SLFN12L: variants seen among roughly 807,000 people sequenced by gnomAD.
The protein encoded by SLFN12L is schlafen family member 12 like.
SLFN12L carries 34 observed loss-of-function variants against 34.8 expected under a neutral mutation model. That is an observed-to-expected ratio of 0.98 (90% confidence interval 0.74 to 1.30). The LOEUF is 1.30. SLFN12L is among the 50% of genes most tolerant of loss of function. The probability of loss-of-function intolerance (pLI) is 0.00; values close to 1 mark genes in which losing one functional copy is unlikely to be tolerated. For synonymous variants in SLFN12L, 259 were observed against 247.5 expected, an observed-to-expected ratio of 1.05 and a Z score of -0.44; for missense variants, 703 against 696.2, an observed-to-expected ratio of 1.01 and a Z score of -0.11.
In SLFN12L at chr17:35,497,156, C is replaced by G. The variant is rs577360184; in HGVS notation, c.87-16961G>C. 2.6e-5 allele frequency among the ~76,000 whole-genome samples: 4 copies of G among 152,278 alleles called. No homozygotes were observed. In the East Asian group the frequency reaches 7.7e-4, roughly 29 times the overall value. On this transcript the variant is annotated intron_variant, in intron 2 of 4. Coordinates refer to ENST00000628453, the MANE Select transcript of SLFN12L (RefSeq NM_001363830.2). ...CTGTAATCTCAGCACTTTGGGAGGC[C>G]GAAGCGGGCGGATCACCTTAGGTCA...
chr17:35,506,420 G>A (rs1476447125), intron 2 of SLFN12L, among the ~76,000 whole-genome samples: 2 of 152,210 alleles, frequency 1.3e-5, no homozygotes, highest in Admixed American at 6.5e-5. Context: ...GAAAGGGAAA[G>A]TGGCCCTTCC....
chr17:35,477,143 G>A (rs922645842), intron 4 of SLFN12L, among the ~76,000 whole-genome samples: 1 of 152,178 alleles, frequency 6.6e-6, no homozygotes, highest in African/African-American at 2.4e-5. Context: ...TCAAGGGTCA[G>A]TTGTATGCAG....
chr17:35,490,803 C>T, intron 2 of SLFN12L: 2 of 1,392,992 alleles, frequency 1.4e-6, no homozygotes, highest in African/African-American at 1.4e-5. Flanking sequence ...GACTTGAGTG[C>T]CTGACTCAAT....
chr17:35,528,046 C>T (rs977965485), intron 1 of SLFN12L, among the ~76,000 whole-genome samples: 3 of 152,132 alleles, frequency 2.0e-5, no homozygotes, highest in African/African-American at 7.2e-5. Flanking sequence ...CACAAGCATT[C>T]CTATGCACCG....
intron 1 of SLFN12L, among the ~76,000 whole-genome samples, chr17:35,526,283 A>T (rs1295281835): frequency 6.6e-6 from 1 of 152,224 alleles, no homozygotes; most frequent in African/African-American, 2.4e-5. Flanking sequence ...TCTACAGTCA[A>T]TATTAGACAG....
chr17:35,490,813 T>G, intron 2 of SLFN12L: 3 of 1,309,410 alleles, frequency 2.3e-6, no homozygotes, highest in Non-Finnish European at 3.3e-6. Flanking sequence ...CCTGACTCAA[T>G]AAGAGAGCCT....
rs1030256586 is a variant in SLFN12L, at chr17:35,470,722, G to T, written c.*4201C>A. ...ATACTTTAAGCTCTGGGATACACGT[G>T]CAGAATGTGCAGGTTTGTTACATAG... On this transcript the variant is annotated 3_prime_UTR_variant, in exon 5 of 5. Transcript: ENST00000628453. 5 of 150,714 alleles carry T rather than the reference G, an allele frequency of 3.3e-5. No homozygotes were observed. Among genetic ancestry groups the T allele is most frequent in the African/African-American group, 1.2e-4 (5 of 40,844 alleles). 9.3% of individuals were successfully genotyped at this position (150,714 alleles called of 1,614,324 possible).
chr17:35,475,429 G>A lies in SLFN12L; in HGVS notation c.1333C>T (p.Gln445Ter). ...ATTAATTGCTTAAGTCCTTCATGTT[G>A]TGAGAACAGATTTCTGCAGAAGGTT... ...PKTFCRNLFS[Q>*]HEGLKQLICE... The change falls in exon 5 of 5, where the codon CAA becomes TAA. Residue 445 changes from glutamine to a stop codon, truncating the protein, a stop_gained. Coordinates refer to ENST00000628453, the MANE Select transcript of SLFN12L (RefSeq NM_001363830.2). LOFTEE classifies it low-confidence loss of function (END_TRUNC). The A allele has an allele frequency of 6.2e-7, 1 of 1,613,862 alleles. No individual in the cohort carries two copies. Among genetic ancestry groups the A allele is most frequent in the Non-Finnish European group, 8.5e-7 (1 of 1,179,942 alleles).
At chr17:35,508,409 C>A (rs921088463) in intron 2 of SLFN12L, among the ~76,000 whole-genome samples, 2 of 152,200 alleles carry the variant, frequency 1.3e-5, no homozygotes, top group South Asian at 2.1e-4. Context: ...TGCAGTGGCA[C>A]GATCTCAGCT....
Position 35,515,864 on chromosome 17 carries a change from G to A in SLFN12L, c.86+6415C>T, listed in dbSNP as rs555617476. On this transcript the variant is annotated intron_variant, in intron 2 of 4. Coordinates refer to ENST00000628453, the MANE Select transcript of SLFN12L (RefSeq NM_001363830.2). ...TCACTATGTTGGCCAGGCTGGTCTCGAACTCCTGACCTCGTGATCTACCCG... is the reference window on the plus strand; with the variant it reads ...TCACTATGTTGGCCAGGCTGGTCTCAAACTCCTGACCTCGTGATCTACCCG... Among the ~76,000 whole-genome samples, 303 of 151,494 alleles carry A rather than the reference G, an allele frequency of 2.0e-3. 2 individuals carry two copies. Among genetic ancestry groups the A allele is most frequent in the African/African-American group, 7.2e-3 (295 of 41,236 alleles).
At chr17:35,515,666 G>A (rs972463918) in intron 2 of SLFN12L, among the ~76,000 whole-genome samples, 1 of 93,834 alleles carries the variant, frequency 1.1e-5, no homozygotes, top group African/African-American at 4.0e-5. Flanking sequence ...TTTTGAGATG[G>A]AGTTTTGCTC....
In SLFN12L at chr17:35,479,244, T is replaced by C. The variant is rs748187617; in HGVS notation, c.1038A>G (p.Ala346=). Residue 346 remains alanine, a synonymous_variant, in exon 3 of 5, where the codon GCA becomes GCG. Transcript: ENST00000628453. ...CACAGCAGAAGCGTTCCACTCTGAG[T>C]GCATACACATATCCACAAAGCCTTC... is the stretch of plus-strand genomic sequence containing the variant. ...DKGRLCGYVY[A]LRVERFCCAV... 3.8e-6 allele frequency: 6 copies of C among 1,593,254 alleles called. No individual in the cohort carries two copies. Among genetic ancestry groups the C allele is most frequent in the Non-Finnish European group, 5.1e-6 (6 of 1,168,314 alleles).
At chr17:35,512,148 T>C in intron 2 of SLFN12L, among the ~76,000 whole-genome samples, 1 of 116,708 alleles carries the variant, frequency 8.6e-6, no homozygotes, top group Admixed American at 1.1e-4. Flanking sequence ...AAAAAAGAGC[T>C]GATTTTTTTT....
intron 1 of SLFN12L, among the ~76,000 whole-genome samples, chr17:35,534,859 C>T (rs1261116086): frequency 6.6e-6 from 1 of 152,174 alleles, no homozygotes; most frequent in Non-Finnish European, 1.5e-5. Flanking sequence ...AAGCAGAAAT[C>T]TCTATCAAGG....
chr17:35,476,191 A>T (rs1913996280), intron 4 of SLFN12L, among the ~76,000 whole-genome samples: 1 of 152,094 alleles, frequency 6.6e-6, no homozygotes, highest in African/African-American at 2.4e-5. Flanking sequence ...AGGAGCTGGG[A>T]TTTCAGAAAC....
At position 35,472,946 on chromosome 17, in the gene SLFN12L, T is replaced by C. The variant is rs546692623; in HGVS notation, c.*1977A>G. On this transcript the variant is annotated 3_prime_UTR_variant, in exon 5 of 5. Transcript: ENST00000628453. ...TGTGAGTTCACTCATGATTTGGCTC[T>C]CTGCTTGTCTATTGTTGGTGTAATG... Among the ~76,000 whole-genome samples, 64 of 152,348 alleles carry C rather than the reference T, an allele frequency of 4.2e-4. No homozygotes were observed. In the South Asian group the frequency reaches 0.012, roughly 28 times the overall value.
rs977502356 is a variant in SLFN12L, at chr17:35,471,921, T to C, written c.*3002A>G. 6.6e-6 allele frequency among the ~76,000 whole-genome samples: 1 copy of C among 152,178 alleles called. No homozygotes were observed. The highest frequency in any genetic ancestry group is 1.5e-5 in the Non-Finnish European group (1 of 68,032). On this transcript the variant is annotated 3_prime_UTR_variant, in exon 5 of 5. Coordinates refer to ENST00000628453, the MANE Select transcript of SLFN12L (RefSeq NM_001363830.2). ...CTTTTCAATGGGGTTGTTTTTTCCT[T>C]GTAAATTTGTTTAAGTTCCTTGTAC...
intron 2 of SLFN12L, chr17:35,490,168 G>A: frequency 1.2e-6 from 2 of 1,606,574 alleles, no homozygotes; most frequent in South Asian, 1.1e-5. Flanking sequence ...GCAGAGCCGG[G>A]CTGCTGCAGC....
In SLFN12L at chr17:35,475,388, G is replaced by A. The variant is rs747325126; in HGVS notation, c.1374C>T (p.Gly458=). The A allele has an allele frequency of 1.2e-5, 19 of 1,614,156 alleles. No homozygotes were observed. The highest frequency in any genetic ancestry group is 1.6e-5 in the Non-Finnish European group (19 of 1,180,038). ...AGATCAGTGAGCCCTTATTGACAGA[G>A]CCCATTTCTTCACATATTAATTGCT... ...GLKQLICEEM[G]SVNKGSLIFS... The change falls in exon 5 of 5, where the codon GGC becomes GGT. Residue 458 remains glycine, a synonymous_variant. Coordinates refer to ENST00000628453, the MANE Select transcript of SLFN12L (RefSeq NM_001363830.2).
Sources: allele counts gnomAD v4.1 joint callset (sites outside exome capture counted in the v4.1 genomes callset), GRCh38; gene constraint gnomAD v4.1.1; transcripts MANE v1.5; gene names NCBI Gene and HGNC (gene_info 2026-07-23, HGNC 2026-07-21).